USPL1: variants seen among roughly 807,000 people sequenced by gnomAD.
The protein encoded by USPL1 is ubiquitin specific peptidase like 1, also known as SUMO-specific isopeptidase USPL1.
In USPL1, 27 loss-of-function variants were observed where a neutral mutation model predicts 51.5. The observed-to-expected ratio is 0.52, with a 90% CI of 0.39 to 0.72. USPL1 has a LOEUF of 0.72. Ranked by LOEUF, USPL1 falls within the 30% of genes least tolerant of loss-of-function variation. The pLI is 0.00. For synonymous variants in USPL1, 451 were observed against 459.6 expected (o/e 0.98, Z 0.24); for missense variants, 1,226 against 1,268.0 (o/e 0.97, Z 0.50).
chr13:30,659,077 T>TA lies in USPL1; in HGVS notation c.3001dup (p.Ser1001LysfsTer10). The TA allele has an allele frequency of 6.2e-7, 1 of 1,614,158 alleles. No homozygotes were observed. Among genetic ancestry groups the TA allele is most frequent in the Non-Finnish European group, 8.5e-7 (1 of 1,180,042 alleles). The stretch of plus-strand genomic sequence containing the variant: ...ACTTTAGGTATTTGGGAATGGGAGA[T>TA]AGTCATATCCCACCACCAGTACCAA... On this transcript the variant is annotated frameshift_variant, in exon 9 of 9. Transcript: ENST00000255304. LOFTEE classifies it low-confidence loss of function (END_TRUNC).
At chr13:30,618,286 C>A (rs1950596704) in intron 1 of USPL1, among the ~76,000 whole-genome samples, 1 of 152,130 alleles carries the variant, frequency 6.6e-6, no homozygotes, top group South Asian at 2.1e-4. Context: ...TTCCAAGGAG[C>A]GTGGAGATGG....
At chr13:30,650,885 G>T (rs1266119467) in intron 7 of USPL1, among the ~76,000 whole-genome samples, 2 of 152,042 alleles carry the variant, frequency 1.3e-5, no homozygotes, top group Admixed American at 6.6e-5. Context: ...AGCTACTCAG[G>T]AGGCTAAGGC....
intron 6 of USPL1, among the ~76,000 whole-genome samples, chr13:30,646,222 G>C (rs1321231786): frequency 6.6e-6 from 1 of 152,158 alleles, no homozygotes; most frequent in Non-Finnish European, 1.5e-5. Flanking sequence ...TGCAGTTGAG[G>C]TTTAGTGTAC....
At chr13:30,654,788 G>A (rs1308214431) in intron 8 of USPL1, among the ~76,000 whole-genome samples, 2 of 151,902 alleles carry the variant, frequency 1.3e-5, no homozygotes, top group African/African-American at 4.8e-5. Context: ...TGTCTGTTAT[G>A]TGACTAATGC....
intron 5 of USPL1, 43 bp from the exon 6 acceptor site, chr13:30,642,585 C>A: frequency 1.3e-6 from 2 of 1,584,974 alleles, no homozygotes; most frequent in Non-Finnish European, 1.7e-6. Flanking sequence ...TAGTTTTTGC[C>A]ATTATTGATT....
At chr13:30,644,826 G>GT (rs1950996750) in intron 6 of USPL1, among the ~76,000 whole-genome samples, 1 of 152,160 alleles carries the variant, frequency 6.6e-6, no homozygotes, top group African/African-American at 2.4e-5. Context: ...GTAAACTTTT[G>GT]TAATAGTCCC....
chr13:30,627,429 G>A (rs939824286), intron 3 of USPL1, among the ~76,000 whole-genome samples: 1 of 152,028 alleles, frequency 6.6e-6, no homozygotes, highest in Admixed American at 6.5e-5. Context: ...AGATTATATA[G>A]AGAAAAGTCA....
intron 7 of USPL1, among the ~76,000 whole-genome samples, chr13:30,648,802 G>A (rs2137696735): frequency 6.6e-6 from 1 of 152,264 alleles, no homozygotes; most frequent in South Asian, 2.1e-4. Context: ...GAAGATTACA[G>A]AAGTCTGTAA....
intron 3 of USPL1, among the ~76,000 whole-genome samples, chr13:30,622,342 G>T (rs996201438): frequency 2.0e-5 from 3 of 152,068 alleles, no homozygotes; most frequent in Non-Finnish European, 4.4e-5. Context: ...AATTCTAAAA[G>T]ATCCTTTTAG....
In USPL1 at chr13:30,653,223, T is replaced by G; in HGVS notation, c.1314T>G (p.Phe438Leu). The G allele has an allele frequency of 6.2e-7, 1 of 1,613,466 alleles. No homozygotes were observed. The highest frequency in any genetic ancestry group is 8.5e-7 in the Non-Finnish European group (1 of 1,179,540). ...ACTTGCAGCACTATGCATTTCATTTTGAAGGCTGTCTTTATCAGATAACTT... is the reference window on the plus strand; with the variant it reads ...ACTTGCAGCACTATGCATTTCATTTGGAAGGCTGTCTTTATCAGATAACTT... ...QNDLQHYAFHFEGCLYQITSV... is the reference protein window; with the variant it reads ...QNDLQHYAFHLEGCLYQITSV... Residue 438 changes from phenylalanine to leucine, a missense_variant, in exon 8 of 9, where the codon TTT (phenylalanine) becomes TTG (leucine). By Grantham distance (22) the Phe-to-Leu change is conservative. Coordinates refer to ENST00000255304, the MANE Select transcript of USPL1 (RefSeq NM_005800.5).
intron 5 of USPL1, among the ~76,000 whole-genome samples, chr13:30,639,673 T>C (rs1950921625): frequency 6.6e-6 from 1 of 152,218 alleles, no homozygotes; most frequent in East Asian, 1.9e-4. Context: ...TCTGTCACTC[T>C]AAAACTTCTC....
At chr13:30,637,044 C>T (rs1356916291) in intron 4 of USPL1, among the ~76,000 whole-genome samples, 4 of 152,326 alleles carry the variant, frequency 2.6e-5, no homozygotes, top group South Asian at 2.1e-4. Context: ...AACCCTAACC[C>T]TCCTGGGCTC....
chr13:30,658,796 A>T lies in USPL1; in HGVS notation c.2719A>T (p.Met907Leu). Residue 907 changes from methionine to leucine, a missense_variant, in exon 9 of 9, where the codon ATG becomes TTG. Met to Leu is a conservative substitution (Grantham distance 15). Transcript: ENST00000255304. ...AGAAAAGAAGAAATTAGCTGCTCTT[A>T]TGTCTTCCCCGCAAAGCAGAACAGT... ...KAEKKKLAAL[M>L]SSPQSRTVRS... is the part of the protein sequence containing the mutation. 1.2e-6 allele frequency: 2 copies of T among 1,614,112 alleles called. No homozygotes were observed. Among genetic ancestry groups the T allele is most frequent in the Non-Finnish European group, 1.7e-6 (2 of 1,180,046 alleles).
In USPL1 at chr13:30,657,799, A is replaced by G; in HGVS notation, c.1722A>G (p.Ser574=). The G allele has an allele frequency of 6.2e-7, 1 of 1,614,064 alleles. No individual in the cohort carries two copies. The highest frequency in any genetic ancestry group is 8.5e-7 in the Non-Finnish European group (1 of 1,180,028). The change falls in exon 9 of 9, where the codon TCA becomes TCG. Residue 574 remains serine (S), a synonymous_variant. Coordinates refer to ENST00000255304, the MANE Select transcript of USPL1 (RefSeq NM_005800.5). ...TAACTCATGGAGATCATTTACTTTC[A>G]GGTCCAAAAGGTTTGGTTGACAATA... is the stretch of plus-strand genomic sequence containing the variant. ...TAVTHGDHLL[S]GPKGLVDNIL... is the part of the protein sequence containing the mutation.
intron 4 of USPL1, among the ~76,000 whole-genome samples, chr13:30,632,981 C>G (rs1950827765): frequency 9.9e-6 from 1 of 101,440 alleles, no homozygotes; most frequent in African/African-American, 4.0e-5. Context: ...CTATGCGTTT[C>G]CTCCCATCCC....
At position 30,658,659 on chromosome 13, in the gene USPL1, C is replaced by G. The variant is rs767665822; in HGVS notation, c.2582C>G (p.Ala861Gly). The change falls in exon 9 of 9, where the codon GCT becomes GGT. Residue 861 changes from alanine to glycine, a missense_variant. Coordinates refer to ENST00000255304, the MANE Select transcript of USPL1 (RefSeq NM_005800.5). ...LEKSGSTSCG[A>G]QLNHSSYGNG... is the part of the protein sequence containing the mutation. Reference sequence around the variant, plus strand: ...AAGTCTGGAAGCACCTCATGTGGAGCTCAACTCAACCACAGTTCTTATGGG... The same window carrying G: ...AAGTCTGGAAGCACCTCATGTGGAGGTCAACTCAACCACAGTTCTTATGGG... The G allele has an allele frequency of 6.2e-7, 1 of 1,614,220 alleles. No individual in the cohort carries two copies. Among genetic ancestry groups the G allele is most frequent in the Non-Finnish European group, 8.5e-7 (1 of 1,180,038 alleles).
chr13:30,645,792 A>G (rs1951010778), intron 6 of USPL1, among the ~76,000 whole-genome samples: 4 of 152,186 alleles, frequency 2.6e-5, no homozygotes. Context: ...ACTGTACTCT[A>G]TGTGTCACTT....
At chr13:30,624,466 A>T (rs1566046265) in intron 3 of USPL1, among the ~76,000 whole-genome samples, 1 of 152,102 alleles carries the variant, frequency 6.6e-6, no homozygotes, top group African/African-American at 2.4e-5. Flanking sequence ...AAAAAAATTT[A>T]AATTAGCTGG....
intron 5 of USPL1, among the ~76,000 whole-genome samples, chr13:30,640,817 G>A (rs1335623237): frequency 6.6e-6 from 1 of 152,172 alleles, no homozygotes; most frequent in Non-Finnish European, 1.5e-5. Flanking sequence ...TAGGGTTAGG[G>A]TATAACTCGC....
Sources: gnomAD v4.1 joint callset for allele counts (sites outside exome capture counted in the v4.1 genomes callset) on GRCh38, gnomAD v4.1.1 for gene constraint, MANE v1.5 for transcripts, NCBI Gene and HGNC (gene_info 2026-07-23, HGNC 2026-07-21) for gene names.